The following PRKN variants were observed in gnomAD, a reference collection of about 807,000 sequenced individuals.
The protein encoded by PRKN is parkin RBR E3 ubiquitin protein ligase.
A neutral mutation model predicts 59.5 loss-of-function variants in PRKN; 56 were observed. That is an observed-to-expected ratio of 0.94 (90% CI 0.76 to 1.18). The LOEUF is 1.18. Among genes scored for constraint, PRKN ranks in the 50% most tolerant of loss-of-function variants. PRKN has a pLI of 0.00. For synonymous variants in PRKN, 250 were observed against 222.1 expected (o/e 1.13, Z -1.12); for missense variants, 657 against 596.4 (o/e 1.10, Z -1.06).
At chr6:162,316,860 T>C (rs1782774275) in intron 2 of PRKN, among the ~76,000 whole-genome samples, 1 of 152,176 alleles carries the variant, frequency 6.6e-6, no homozygotes, top group Non-Finnish European at 1.5e-5. Context: ...ATATTGCCTG[T>C]GCTTTTATGT....
At chr6:161,924,993 G>A (rs1026819270) in intron 6 of PRKN, among the ~76,000 whole-genome samples, 2 of 152,140 alleles carry the variant, frequency 1.3e-5, no homozygotes, top group African/African-American at 4.8e-5. Flanking sequence ...TCACTGTTGA[G>A]GTCAAATGTT....
chr6:162,458,164 G>C (rs532229938), intron 1 of PRKN, among the ~76,000 whole-genome samples: 10 of 128,698 alleles, frequency 7.8e-5, no homozygotes, highest in Non-Finnish European at 1.8e-4. Flanking sequence ...CTGAGACAGG[G>C]AGAATTGCTT....
chr6:162,335,660 A>G (rs1009772828), intron 2 of PRKN, among the ~76,000 whole-genome samples: 1 of 152,196 alleles, frequency 6.6e-6, no homozygotes, highest in South Asian at 2.1e-4. Flanking sequence ...TGAATGTAAT[A>G]AACTTAATAT....
intron 1 of PRKN, among the ~76,000 whole-genome samples, chr6:162,517,741 A>G (rs1777925036): frequency 6.6e-6 from 1 of 152,116 alleles, no homozygotes; most frequent in African/African-American, 2.4e-5. Context: ...AAAAAACTGA[A>G]TGAAGGAATC....
chr6:162,328,563 A>T (rs1704532805), intron 2 of PRKN, among the ~76,000 whole-genome samples: 1 of 152,180 alleles, frequency 6.6e-6, no homozygotes, highest in Non-Finnish European at 1.5e-5. Flanking sequence ...TACGGGAGAA[A>T]AGAGACCGGT....
At chr6:162,625,754 CTT>C (rs1436092091) in intron 1 of PRKN, among the ~76,000 whole-genome samples, 2 of 151,772 alleles carry the variant, frequency 1.3e-5, no homozygotes, top group African/African-American at 4.8e-5. Flanking sequence ...ATATCTAAAA[CTT>C]ATATAAAATT....
chr6:162,050,730 G>A (rs1478232732), intron 5 of PRKN, among the ~76,000 whole-genome samples: 1 of 152,034 alleles, frequency 6.6e-6, no homozygotes, highest in Admixed American at 6.5e-5. Context: ...CTGGAGAAGG[G>A]GCTTCCTACC....
At chr6:162,063,807 A>C (rs1778207564) in intron 4 of PRKN, among the ~76,000 whole-genome samples, 1 of 152,222 alleles carries the variant, frequency 6.6e-6, no homozygotes. Context: ...GGCCTCCCGT[A>C]GTTCCGGGAT....
At chr6:162,280,436 T>C (rs1307883166) in intron 2 of PRKN, among the ~76,000 whole-genome samples, 1 of 151,882 alleles carries the variant, frequency 6.6e-6, no homozygotes, top group African/African-American at 2.4e-5. Context: ...GAGGGAAAGA[T>C]CTAGAATTGA....
chr6:161,692,192 G>A (rs186086312), intron 7 of PRKN, among the ~76,000 whole-genome samples: 4 of 152,108 alleles, frequency 2.6e-5, no homozygotes, highest in African/African-American at 9.7e-5. Flanking sequence ...AGTTGTGGGA[G>A]CGCTACTTTA....
At chr6:161,746,805 C>CAT (rs1238797525) in intron 7 of PRKN, among the ~76,000 whole-genome samples, 2 of 145,886 alleles carry the variant, frequency 1.4e-5, no homozygotes, top group Non-Finnish European at 3.0e-5. Flanking sequence ...TATGCACAGA[C>CAT]ATATATATCT....
chr6:161,541,400 G>C (rs1476360162), intron 9 of PRKN, among the ~76,000 whole-genome samples: 1 of 152,228 alleles, frequency 6.6e-6, no homozygotes, highest in East Asian at 1.9e-4. Context: ...TTCACAAGAA[G>C]TCTGTTTTCA....
rs553616314 is a variant in PRKN, at chr6:162,315,220, T to C, written c.172-52455A>G. Among the ~76,000 whole-genome samples the C allele has an allele frequency of 5.3e-5, 8 of 152,328 alleles. No homozygotes were observed. In the East Asian group the frequency reaches 9.6e-4, roughly 18 times the overall value. ...ATAGCCATGAACTCTAACGACCGACTTCCTATGTGCTAAAAGTGGTAATTG... is the reference window on the plus strand; with the variant it reads ...ATAGCCATGAACTCTAACGACCGACCTCCTATGTGCTAAAAGTGGTAATTG... On this transcript the variant is annotated intron_variant, in intron 2 of 11. Transcript: ENST00000366898.
intron 1 of PRKN, among the ~76,000 whole-genome samples, chr6:162,529,556 G>A (rs1778424064): frequency 6.6e-6 from 1 of 152,128 alleles, no homozygotes; most frequent in Admixed American, 6.6e-5. Context: ...CGCCAAGTTC[G>A]AGGAAGCTGA....
chr6:162,092,802 T>C (rs9346901), intron 4 of PRKN, among the ~76,000 whole-genome samples: 91,357 of 152,042 alleles, frequency 0.6, 27,592 homozygotes, highest in East Asian at 0.78. Context: ...TTTTAAAAAA[T>C]AAACATTCGG....
At chr6:162,030,302 A>T (rs1446867330) in intron 5 of PRKN, among the ~76,000 whole-genome samples, 1 of 152,184 alleles carries the variant, frequency 6.6e-6, no homozygotes. Flanking sequence ...TTATCTGCCC[A>T]TCTCCACTGA....
intron 2 of PRKN, among the ~76,000 whole-genome samples, chr6:162,292,547 A>G (rs1781485139): frequency 6.6e-6 from 1 of 152,152 alleles, no homozygotes; most frequent in South Asian, 2.1e-4. Flanking sequence ...AATCTACAGC[A>G]GCCACAATGG....
At chr6:161,436,276 G>GCA (rs1383004278) in intron 9 of PRKN, among the ~76,000 whole-genome samples, 1 of 100,096 alleles carries the variant, frequency 1.0e-5, no homozygotes, top group African/African-American at 4.6e-5. Context: ...GCAGGGGAGT[G>GCA]GAATGGGAGG....
chr6:161,987,976 G>C (rs981068713), intron 5 of PRKN, among the ~76,000 whole-genome samples: 2 of 152,148 alleles, frequency 1.3e-5, no homozygotes, highest in Non-Finnish European at 1.5e-5. Flanking sequence ...GGAACTGTTA[G>C]AGTGAACGAT....
Sources: gnomAD v4.1 joint callset for allele counts (sites outside exome capture counted in the v4.1 genomes callset) on GRCh38, gnomAD v4.1.1 for gene constraint, MANE v1.5 for transcripts, NCBI Gene and HGNC (gene_info 2026-07-23, HGNC 2026-07-21) for gene names.